Variants in RHBDD3 observed in about 807,000 individuals in gnomAD.
RHBDD3 encodes the protein rhomboid domain containing 3, also known as rhomboid domain-containing protein 3.
Under a neutral mutation model 32.3 loss-of-function variants are expected in RHBDD3, and 34 were observed. That is an observed-to-expected ratio of 1.05 (90% CI 0.80 to 1.40). RHBDD3 has a LOEUF of 1.40. RHBDD3 is among the 40% of genes most tolerant of loss of function. RHBDD3 has a pLI of 0.00. For synonymous variants in RHBDD3, 249 were observed against 239.1 expected (o/e 1.04, Z -0.38); for missense variants, 482 against 492.6 (o/e 0.98, Z 0.20).
In RHBDD3 at chr22:29,260,188, C is replaced by T. The variant is rs1414857938; in HGVS notation, c.1033G>A (p.Ala345Thr). The T allele has an allele frequency of 2.5e-6, 4 of 1,592,176 alleles. No homozygotes were observed. Among genetic ancestry groups the T allele is most frequent in the African/African-American group, 1.3e-5 (1 of 74,650 alleles). Residue 345 changes from alanine to threonine, a missense_variant, in exon 7 of 7, where the codon GCA becomes ACA. By Grantham distance (58) the Ala-to-Thr change is moderately conservative. Coordinates refer to ENST00000216085, the MANE Select transcript of RHBDD3 (RefSeq NM_012265.3). Reference sequence around the variant, plus strand: ...TCCACACGGCCTGTGGCTGCCAGTGCCACCACCGCCTGCTCCGTAGGGAAG... The same window carrying T: ...TCCACACGGCCTGTGGCTGCCAGTGTCACCACCGCCTGCTCCGTAGGGAAG... ...MGFPTEQAVV[A>T]LAATGRVEGA...
chr22:29,263,294 T>C (rs60160467), intron 4 of RHBDD3, among the ~76,000 whole-genome samples: 1 of 152,122 alleles, frequency 6.6e-6, no homozygotes, highest in Non-Finnish European at 1.5e-5. Context: ...CCGCCCACCT[T>C]GGCCTCCCAA....
In RHBDD3 at chr22:29,260,392, A is replaced by C. The variant is rs1210667307; in HGVS notation, c.917T>G (p.Leu306Arg). 1 of 1,612,566 alleles carries C rather than the reference A, an allele frequency of 6.2e-7. No homozygotes were observed. Among genetic ancestry groups the C allele is most frequent in the Admixed American group, 1.7e-5 (1 of 59,904 alleles). ...MLQEGIQASL[L>R]DGPAQEPQSA... ...CTGGGGTTCCTGGGCTGGCCCGTCA[A>C]GAAGCGAGGCCTGGATGCCCTCCTG... The change falls in exon 6 of 7, where the codon CTT becomes CGT. Residue 306 changes from leucine (L) to arginine (R), a missense_variant. By Grantham distance (102) the Leu-to-Arg change is moderately radical (BLOSUM62 -2). Coordinates refer to ENST00000216085, the MANE Select transcript of RHBDD3 (RefSeq NM_012265.3).
rs2058096309 is a variant in RHBDD3 at position 29,260,321 on chromosome 22, C to T, written c.983+5G>A. On this transcript the variant is annotated splice_donor_5th_base_variant and intron_variant, in intron 6 of 6. Coordinates refer to ENST00000216085, the MANE Select transcript of RHBDD3 (RefSeq NM_012265.3). ...GGGACCCCACCTCTGCCCACCCCACCTTACCGCAGAGAGGAGACAGAGGAC... is the reference window on the plus strand; with the variant it reads ...GGGACCCCACCTCTGCCCACCCCACTTTACCGCAGAGAGGAGACAGAGGAC... 6.2e-7 allele frequency: 1 copy of T among 1,606,930 alleles called. No individual in the cohort carries two copies. Among genetic ancestry groups the T allele is most frequent in the Non-Finnish European group, 8.5e-7 (1 of 1,176,154 alleles).
rs776766796 is a variant in RHBDD3 at position 29,260,354 on chromosome 22, GC to G, written c.954del (p.Trp318CysfsTer53). 6.2e-7 allele frequency: 1 copy of G among 1,611,540 alleles called. No individual in the cohort carries two copies. The highest frequency in any genetic ancestry group is 8.5e-7 in the Non-Finnish European group (1 of 1,179,068). On this transcript the variant is annotated frameshift_variant, in exon 6 of 7. Coordinates refer to ENST00000216085, the MANE Select transcript of RHBDD3 (RefSeq NM_012265.3). LOFTEE classifies it high-confidence loss of function. ...AGAGAGGAGACAGAGGACTTGGACA[GC>G]CATGGTGCGCTCTGGGGTTCCTGGG... Reference protein sequence around the residue: ...GPAQEPQSAPWLSKSSVSSLR... With the variant: ...GPAQEPQSAPXLSKSSVSSLR...
rs537256749 is a variant in RHBDD3 at position 29,265,903 on chromosome 22, A to T, written c.-42-235T>A. On this transcript the variant is annotated intron_variant, in intron 2 of 6. Transcript: ENST00000216085. ...CAGGGGACAGGCATAGAGACTTCTG[A>T]GTCCTGATAGGCCCTGAACTCCCAA... Among the ~76,000 whole-genome samples the T allele has an allele frequency of 2.0e-5, 3 of 152,132 alleles. No individual in the cohort carries two copies. In the East Asian group the frequency reaches 5.8e-4, roughly 30 times the overall value.
Position 29,267,590 on chromosome 22 carries a change from G to A in RHBDD3, c.-194-13C>T, listed in dbSNP as rs761730222. The A allele has an allele frequency of 2.0e-5, 3 of 153,064 alleles. No individual in the cohort carries two copies. The highest frequency in any genetic ancestry group is 2.9e-5 in the Non-Finnish European group (2 of 68,274). The allele number at this position is 153,064 out of a possible 1,614,324, so 9.5% of individuals were successfully genotyped here. The stretch of plus-strand genomic sequence containing the variant: ...TCAGTTTCCCCTTCTGTAGAAACAA[G>A]GATATCGGATGAGGGATGATTAAAG... On this transcript the variant is annotated splice_polypyrimidine_tract_variant and intron_variant, in intron 1 of 6. Transcript: ENST00000216085.
chr22:29,260,349 G>A lies in RHBDD3; in HGVS notation c.960C>T (p.Ser320=), dbSNP rs1328806484. 1.9e-6 allele frequency: 3 copies of A among 1,610,426 alleles called. No individual in the cohort carries two copies. Among genetic ancestry groups the A allele is most frequent in the Non-Finnish European group, 2.5e-6 (3 of 1,178,274 alleles). The change falls in exon 6 of 7, where the codon TCC becomes TCT. Residue 320 remains serine, a synonymous_variant. Coordinates refer to ENST00000216085, the MANE Select transcript of RHBDD3 (RefSeq NM_012265.3). Reference sequence around the variant, plus strand: ...ACCGCAGAGAGGAGACAGAGGACTTGGACAGCCATGGTGCGCTCTGGGGTT... The same window carrying A: ...ACCGCAGAGAGGAGACAGAGGACTTAGACAGCCATGGTGCGCTCTGGGGTT... ...AQEPQSAPWL[S]KSSVSSLRLQ... is the part of the protein sequence containing the mutation.
In RHBDD3 at chr22:29,260,132, T is replaced by C; in HGVS notation, c.1089A>G (p.Gln363=). 6.3e-7 allele frequency: 1 copy of C among 1,587,556 alleles called. No homozygotes were observed. The highest frequency in any genetic ancestry group is 2.3e-5 in the East Asian group (1 of 43,452). The change falls in exon 7 of 7, where the codon CAA becomes CAG. Residue 363 remains glutamine, a synonymous_variant. Coordinates refer to ENST00000216085, the MANE Select transcript of RHBDD3 (RefSeq NM_012265.3). Reference sequence around the variant, plus strand: ...GGGTCACCAGGGTCTCAGTGCCCACTTGTCCTCCAACCAACAGTGACACGG... The same window carrying C: ...GGGTCACCAGGGTCTCAGTGCCCACCTGTCCTCCAACCAACAGTGACACGG... The part of the protein sequence containing the change: ...EGAVSLLVGG[Q]VGTETLVTHG...
chr22:29,264,771 T>C (rs986948284), intron 3 of RHBDD3, among the ~76,000 whole-genome samples: 3 of 152,138 alleles, frequency 2.0e-5, no homozygotes, highest in Non-Finnish European at 4.4e-5. Flanking sequence ...TAGCTGTTTT[T>C]TTGTTTTGTT....
Position 29,267,964 on chromosome 22 carries a change from C to G in RHBDD3, c.-411G>C, listed in dbSNP as rs1424179715. ...GGGTCCCTTCCCCCAGCCCTCCCGC[C>G]GATCTCCGTCTCCCTGCAGGGCCGA... On this transcript the variant is annotated 5_prime_UTR_variant, in exon 1 of 7. Coordinates refer to ENST00000216085, the MANE Select transcript of RHBDD3 (RefSeq NM_012265.3). The G allele has an allele frequency of 3.0e-6, 1 of 331,376 alleles. No individual in the cohort carries two copies. The highest frequency in any genetic ancestry group is 5.7e-6 in the Non-Finnish European group (1 of 175,216). 20.5% of individuals were successfully genotyped at this position (331,376 alleles called of 1,614,324 possible).
rs561035708 is a variant in RHBDD3 at position 29,264,412 on chromosome 22, T to C, written c.149-194A>G. On this transcript the variant is annotated intron_variant, in intron 3 of 6. Transcript: ENST00000216085. ...ACCAAGGACTTCCAAACACTGTGGC[T>C]ACGCCTCTGTGGTATTAAACAGAAT... 3.5e-6 allele frequency: 5 copies of C among 1,410,674 alleles called. No individual in the cohort carries two copies. The South Asian group carries it at 6.7e-5, about 19-fold the overall frequency. The allele number at this position is 1,410,674 out of a possible 1,614,324, so 87.4% of individuals were successfully genotyped here.
chr22:29,266,177 C>T (rs960399878), intron 2 of RHBDD3, among the ~76,000 whole-genome samples: 2 of 152,180 alleles, frequency 1.3e-5, no homozygotes, highest in South Asian at 2.1e-4. Flanking sequence ...CAGAGACCTG[C>T]GACTGAGACA....
At chr22:29,266,048 C>T (rs540927725) in intron 2 of RHBDD3, among the ~76,000 whole-genome samples, 2 of 152,362 alleles carry the variant, frequency 1.3e-5, no homozygotes, top group Non-Finnish European at 2.9e-5. Flanking sequence ...CTGTTCCCAG[C>T]CTTAATGCTC....
Position 29,260,092 on chromosome 22 carries a change from G to T in RHBDD3, c.1129C>A (p.Pro377Thr). The T allele has an allele frequency of 6.3e-7, 1 of 1,575,794 alleles. No individual in the cohort carries two copies. Among genetic ancestry groups the T allele is most frequent in the Non-Finnish European group, 8.6e-7 (1 of 1,161,104 alleles). ...ETLVTHGKGG[P>T]AHSEGPGPP ...GGCCCAGGACCCTCGGAGTGGGCAG[G>T]CCCACCCTTTCCATGGGTCACCAGG... is the stretch of plus-strand genomic sequence containing the variant. The change falls in exon 7 of 7, where the codon CCT (proline) becomes ACT (threonine). Residue 377 changes from proline to threonine, a missense_variant. Coordinates refer to ENST00000216085, the MANE Select transcript of RHBDD3 (RefSeq NM_012265.3).
In RHBDD3 at chr22:29,263,954, C is replaced by G. The variant is rs1374450100; in HGVS notation, c.413G>C (p.Arg138Pro). The change falls in exon 4 of 7, where the codon CGG becomes CCG. Residue 138 changes from arginine (R) to proline (P), a missense_variant. Physicochemically the swap from Arg to Pro is moderately radical, Grantham distance 103. Transcript: ENST00000216085. ...MLAGEGHRPR[R>P]PRGALPPWLS... is the part of the protein sequence containing the mutation. ...CCACGGTGGCAGTGCCCCACGGGGC[C>G]GTCTAGGGCGGTGTCCCTCCCCAGC... The G allele has an allele frequency of 1.9e-6, 3 of 1,550,324 alleles. No individual in the cohort carries two copies. The African/African-American group carries it at 4.1e-5, about 21-fold the overall frequency.
chr22:29,266,748 G>T (rs1247731077), intron 2 of RHBDD3, among the ~76,000 whole-genome samples: 1 of 152,244 alleles, frequency 6.6e-6, no homozygotes, highest in African/African-American at 2.4e-5. Context: ...TTCAGGGCAG[G>T]AAGCAGGATC....
Position 29,260,125 on chromosome 22 carries a change from T to C in RHBDD3, c.1096A>G (p.Thr366Ala). The C allele has an allele frequency of 2.5e-6, 4 of 1,586,308 alleles. No homozygotes were observed. The African/African-American group carries it at 4.0e-5, about 16-fold the overall frequency. ...TTTCCATGGGTCACCAGGGTCTCAG[T>C]GCCCACTTGTCCTCCAACCAACAGT... ...VSLLVGGQVG[T>A]ETLVTHGKGG... Residue 366 changes from threonine (T) to alanine (A), a missense_variant, in exon 7 of 7, where the codon ACT (threonine) becomes GCT (alanine). Coordinates refer to ENST00000216085, the MANE Select transcript of RHBDD3 (RefSeq NM_012265.3).
At position 29,265,537 on chromosome 22, in the gene RHBDD3, C is replaced by A. The variant is rs1294240738; in HGVS notation, c.90G>T (p.Leu30=). ...VLMLLMSTLW[L]VGAGPGLVLA... ...GGACCAGGCCGGGGCCGGCCCCCACCAGCCACAGGGTGCTCATCAGCAGCA... is the reference window on the plus strand; with the variant it reads ...GGACCAGGCCGGGGCCGGCCCCCACAAGCCACAGGGTGCTCATCAGCAGCA... Residue 30 remains leucine (L), a synonymous_variant, in exon 3 of 7, where the codon CTG becomes CTT. Coordinates refer to ENST00000216085, the MANE Select transcript of RHBDD3 (RefSeq NM_012265.3). 2 of 1,582,780 alleles carry A rather than the reference C, an allele frequency of 1.3e-6. No homozygotes were observed. Among genetic ancestry groups the A allele is most frequent in the Non-Finnish European group, 1.7e-6 (2 of 1,168,678 alleles).
At chr22:29,267,137 T>C (rs1168824522) in intron 2 of RHBDD3, among the ~76,000 whole-genome samples, 4 of 152,204 alleles carry the variant, frequency 2.6e-5, no homozygotes, top group African/African-American at 9.7e-5. Flanking sequence ...GCCGAGGGAT[T>C]TGAAGGTGAA....
Sources: allele counts gnomAD v4.1 joint callset (sites outside exome capture counted in the v4.1 genomes callset), GRCh38; gene constraint gnomAD v4.1.1; transcripts MANE v1.5; gene names NCBI Gene and HGNC (gene_info 2026-07-23, HGNC 2026-07-21).